GFRAL: variants seen among roughly 807,000 people sequenced by gnomAD.
GFRAL encodes GDNF family receptor alpha like, also known as GDNF family receptor alpha-like.
GFRAL carries 36 observed loss-of-function variants against 45.4 expected under a neutral mutation model. That is an observed-to-expected ratio of 0.79 (90% confidence interval 0.61 to 1.05). The LOEUF (loss-of-function observed/expected upper bound fraction) is 1.05. Among genes scored for constraint, GFRAL ranks in the 50% least tolerant of loss-of-function variants. GFRAL has a pLI of 0.00. For synonymous variants in GFRAL, 166 were observed against 154.1 expected (o/e 1.08, Z -0.57); for missense variants, 507 against 467.5 (o/e 1.08, Z -0.78).
chr6:55,362,713 C>G (rs561174928), intron 6 of GFRAL, among the ~76,000 whole-genome samples: 4 of 152,056 alleles, frequency 2.6e-5, no homozygotes, highest in Admixed American at 2.0e-4. Context: ...CTTAAGCTGA[C>G]AGAAATGTTC....
intron 5 of GFRAL, among the ~76,000 whole-genome samples, chr6:55,356,318 T>C (rs1324029274): frequency 6.6e-6 from 1 of 151,940 alleles, no homozygotes; most frequent in East Asian, 1.9e-4. Context: ...AAGTGTTTGG[T>C]AAAATTCAGC....
chr6:55,380,340 A>C (rs1197961344), intron 6 of GFRAL, among the ~76,000 whole-genome samples: 1 of 151,978 alleles, frequency 6.6e-6, no homozygotes, highest in Admixed American at 6.6e-5. Context: ...AAACATGGTC[A>C]CAAAGACAAG....
intron 6 of GFRAL, among the ~76,000 whole-genome samples, chr6:55,365,111 T>A (rs1198140941): frequency 1.3e-5 from 2 of 151,560 alleles, no homozygotes; most frequent in East Asian, 3.9e-4. Context: ...CTCTTTTATT[T>A]CCTTGAGGAG....
intron 3 of GFRAL, among the ~76,000 whole-genome samples, chr6:55,342,677 T>C (rs1767984849): frequency 6.6e-6 from 1 of 151,804 alleles, no homozygotes; most frequent in East Asian, 1.9e-4. Flanking sequence ...CACATAACAA[T>C]ATTAACCTTA....
chr6:55,382,736 A>C (rs575235753), intron 6 of GFRAL, among the ~76,000 whole-genome samples: 1 of 151,930 alleles, frequency 6.6e-6, no homozygotes, highest in African/African-American at 2.4e-5. Context: ...TAATTTTTCC[A>C]TCATTTACAA....
At chr6:55,341,953 CGAGAA>C (rs1767972031) in intron 3 of GFRAL, among the ~76,000 whole-genome samples, 1 of 151,240 alleles carries the variant, frequency 6.6e-6, no homozygotes, top group Non-Finnish European at 1.5e-5. Context: ...TGAAAGGAAG[CGAGAA>C]GAGAAGTTTA....
intron 6 of GFRAL, among the ~76,000 whole-genome samples, chr6:55,366,114 C>T (rs1768359057): frequency 2.6e-5 from 4 of 151,938 alleles, no homozygotes; most frequent in Non-Finnish European, 5.9e-5. Context: ...GCCACAATTT[C>T]AGCTCCTGTT....
At position 55,388,655 on chromosome 6, in the gene GFRAL, C is replaced by T. The variant is rs141931882; in HGVS notation, c.953-10525C>T. On this transcript the variant is annotated intron_variant, in intron 6 of 8. Coordinates refer to ENST00000340465, the MANE Select transcript of GFRAL (RefSeq NM_207410.2). ...TCAATTTCTTTCACTGTTCTTTGGC[C>T]CAAACTGCCATTCCAGCACCCCTAC... Among the ~76,000 whole-genome samples the T allele has an allele frequency of 3.9e-3, 592 of 152,246 alleles. 1 individual carries two copies. Among genetic ancestry groups the T allele is most frequent in the African/African-American group, 0.013 (560 of 41,546 alleles).
At chr6:55,362,595 T>C (rs1024511212) in intron 6 of GFRAL, among the ~76,000 whole-genome samples, 1 of 151,842 alleles carries the variant, frequency 6.6e-6, no homozygotes, top group African/African-American at 2.4e-5. Flanking sequence ...ATGAGAGCCA[T>C]GGAAGAGAGA....
chr6:55,348,985 T>G (rs116051087), intron 3 of GFRAL, among the ~76,000 whole-genome samples: 1,950 of 152,176 alleles, frequency 0.013, 22 homozygotes, highest in Non-Finnish European at 0.022. Context: ...CTCCCTGGGA[T>G]CTGTTTGTTG....
chr6:55,350,178 T>C, intron 4 of GFRAL, 33 bp downstream of exon 4: 1 of 1,243,962 alleles, frequency 8.0e-7, no homozygotes, highest in Non-Finnish European at 1.2e-6. Flanking sequence ...TTGATCTGCA[T>C]TGCAAATACC....
chr6:55,355,505 T>A (rs1768179265), intron 5 of GFRAL, among the ~76,000 whole-genome samples: 1 of 152,050 alleles, frequency 6.6e-6, no homozygotes, highest in African/African-American at 2.4e-5. Flanking sequence ...GGGACTACTT[T>A]GAAGATTTGT....
intron 6 of GFRAL, among the ~76,000 whole-genome samples, chr6:55,392,647 C>A (rs1425037180): frequency 6.6e-6 from 1 of 152,040 alleles, no homozygotes; most frequent in African/African-American, 2.4e-5. Context: ...GGTCAGGCAT[C>A]TTTCAAACCT....
At chr6:55,335,786 G>A (rs964176118) in intron 3 of GFRAL, among the ~76,000 whole-genome samples, 2 of 151,982 alleles carry the variant, frequency 1.3e-5, no homozygotes, top group African/African-American at 4.8e-5. Flanking sequence ...CTGTACTTTT[G>A]CAAATATTTT....
At chr6:55,379,233 G>A (rs1768574374) in intron 6 of GFRAL, among the ~76,000 whole-genome samples, 1 of 151,882 alleles carries the variant, frequency 6.6e-6, no homozygotes, top group Non-Finnish European at 1.5e-5. Context: ...GTGTCATGGG[G>A]ATTTGTTGTA....
In GFRAL at chr6:55,390,843, G is replaced by A. The variant is rs190643773; in HGVS notation, c.953-8337G>A. Among the ~76,000 whole-genome samples the A allele has an allele frequency of 2.9e-3, 444 of 151,612 alleles. 3 individuals are homozygous for A. The highest frequency in any genetic ancestry group is 8.1e-3 in the African/African-American group (334 of 41,300). On this transcript the variant is annotated intron_variant, in intron 6 of 8. Transcript: ENST00000340465. ...GCAGAGATTGCAGTGAGCCAAGATCGCGCCATTGCACTCCAGCCTCGGCGA... is the reference window on the plus strand; with the variant it reads ...GCAGAGATTGCAGTGAGCCAAGATCACGCCATTGCACTCCAGCCTCGGCGA...
intron 6 of GFRAL, among the ~76,000 whole-genome samples, chr6:55,393,543 A>G (rs533853278): frequency 7.2e-5 from 11 of 152,326 alleles, no homozygotes; most frequent in Non-Finnish European, 1.6e-4. Flanking sequence ...ACCTGAAGAA[A>G]GAGAAGGAGT....
chr6:55,365,892 TA>T (rs1297884093), intron 6 of GFRAL, among the ~76,000 whole-genome samples: 1 of 147,044 alleles, frequency 6.8e-6, no homozygotes, highest in Non-Finnish European at 1.5e-5. Context: ...GATATTGGTC[TA>T]AAATTCTCTT....
At chr6:55,375,861 C>T (rs1291421446) in intron 6 of GFRAL, among the ~76,000 whole-genome samples, 1 of 152,044 alleles carries the variant, frequency 6.6e-6, no homozygotes, top group Non-Finnish European at 1.5e-5. Context: ...CGTTCCCTTG[C>T]CTGATTTCCC....
Sources: gnomAD v4.1 joint callset for allele counts (sites outside exome capture counted in the v4.1 genomes callset) on GRCh38, gnomAD v4.1.1 for gene constraint, MANE v1.5 for transcripts, NCBI Gene and HGNC (gene_info 2026-07-23, HGNC 2026-07-21) for gene names.